The following FSTL4 variants were observed in gnomAD, a reference collection of about 807,000 sequenced individuals.
FSTL4 encodes the protein follistatin like 4.
FSTL4 carries 28 observed loss-of-function variants against 78.2 expected under a neutral mutation model. That is an observed-to-expected ratio of 0.36 (90% CI 0.27 to 0.49). The LOEUF is 0.49. Ranked by LOEUF, FSTL4 falls within the 20% of genes least tolerant of loss-of-function variation. The pLI is 0.98. For synonymous variants in FSTL4, 422 were observed against 440.5 expected (o/e 0.96, Z 0.53); for missense variants, 922 against 1,084.9 (o/e 0.85, Z 2.11).
At chr5:133,745,766 C>A in the FSTL4 span, among the ~76,000 whole-genome samples, 1 of 152,368 alleles carries the variant, frequency 6.6e-6, no homozygotes, top group African/African-American at 2.4e-5. Flanking sequence ...AAACTACGAA[C>A]TGTCATTTTG....
intron 4 of FSTL4, among the ~76,000 whole-genome samples, chr5:133,324,760 C>T (rs980624363): frequency 6.6e-6 from 1 of 152,198 alleles, no homozygotes; most frequent in Non-Finnish European, 1.5e-5. Context: ...TGGCTACGGC[C>T]CTGCCCTGAA....
intron 3 of FSTL4, among the ~76,000 whole-genome samples, chr5:133,477,018 T>C (rs537334524): frequency 6.6e-6 from 1 of 152,372 alleles, no homozygotes; most frequent in South Asian, 2.1e-4. Context: ...CAGTAAATCA[T>C]TTTCTTATTG....
chr5:133,502,381 G>A (rs1185181954), intron 3 of FSTL4, among the ~76,000 whole-genome samples: 6 of 152,196 alleles, frequency 3.9e-5, no homozygotes, highest in Non-Finnish European at 7.3e-5. Context: ...CACGGGAAGG[G>A]AAGAATGCAG....
intron 2 of FSTL4, among the ~76,000 whole-genome samples, chr5:133,577,437 A>T (rs1760307507): frequency 6.6e-6 from 1 of 152,098 alleles, no homozygotes; most frequent in South Asian, 2.1e-4. Flanking sequence ...GCCCTGGTAG[A>T]TGGGCTTACT....
chr5:133,431,639 A>T (rs1303209527), intron 3 of FSTL4, among the ~76,000 whole-genome samples: 1 of 152,210 alleles, frequency 6.6e-6, no homozygotes, highest in African/African-American at 2.4e-5. Flanking sequence ...ACTACTGAGT[A>T]ACCCCAGTCA....
At chr5:133,824,637 G>A in the FSTL4 span, among the ~76,000 whole-genome samples, 3 of 152,200 alleles carry the variant, frequency 2.0e-5, no homozygotes, top group Non-Finnish European at 4.4e-5. Flanking sequence ...TCGGGGCGAA[G>A]AAGGCCCTGT....
At chr5:133,311,588 G>C (rs558878332) in intron 6 of FSTL4, among the ~76,000 whole-genome samples, 1 of 152,336 alleles carries the variant, frequency 6.6e-6, no homozygotes, top group East Asian at 1.9e-4. Context: ...CAGGCCTTGT[G>C]AAGGTGTGGA....
chr5:133,307,524 C>T (rs1463990090), intron 6 of FSTL4, among the ~76,000 whole-genome samples: 2 of 152,182 alleles, frequency 1.3e-5, no homozygotes, highest in Non-Finnish European at 2.9e-5. Flanking sequence ...GTGTACAGTG[C>T]TGACACATGT....
the FSTL4 span, among the ~76,000 whole-genome samples, chr5:133,728,481 C>T: frequency 1.5e-4 from 23 of 152,196 alleles, no homozygotes; most frequent in African/African-American, 5.5e-4. Context: ...TAAGGTCCAT[C>T]CACCTTTATC....
At chr5:133,490,910 C>T (rs1275945732) in intron 3 of FSTL4, among the ~76,000 whole-genome samples, 1 of 152,030 alleles carries the variant, frequency 6.6e-6, no homozygotes, top group Admixed American at 6.6e-5. Context: ...TGAGTATACA[C>T]GGACACAAAG....
At chr5:133,823,053 G>A in the FSTL4 span, among the ~76,000 whole-genome samples, 1 of 152,194 alleles carries the variant, frequency 6.6e-6, no homozygotes, top group African/African-American at 2.4e-5. Flanking sequence ...AAGTAAACAG[G>A]TAAAGCATAT....
chr5:133,636,204 C>T, the FSTL4 span, among the ~76,000 whole-genome samples: 1 of 152,130 alleles, frequency 6.6e-6, no homozygotes. Flanking sequence ...CCCAGAGGTC[C>T]CAGAACAGAA....
At chr5:133,803,867 A>G in the FSTL4 span, among the ~76,000 whole-genome samples, 1 of 152,120 alleles carries the variant, frequency 6.6e-6, no homozygotes, top group Non-Finnish European at 1.5e-5. Flanking sequence ...GAGTATACCA[A>G]TGAGAGGCGC....
intron 3 of FSTL4, among the ~76,000 whole-genome samples, chr5:133,565,819 A>AT (rs1760015279): frequency 6.6e-6 from 1 of 152,204 alleles, no homozygotes. Context: ...TTTATATGTG[A>AT]TTTTACAATG....
the FSTL4 span, among the ~76,000 whole-genome samples, chr5:133,698,830 C>G: frequency 6.6e-6 from 1 of 152,244 alleles, no homozygotes; most frequent in African/African-American, 2.4e-5. Context: ...TACAACGAGA[C>G]CTCGGGAGGC....
intron 4 of FSTL4, chr5:133,388,117 T>C (rs558518997): frequency 6.6e-6 from 1 of 152,368 alleles, no homozygotes; most frequent in African/African-American, 2.4e-5. Context: ...TTTGCAATTT[T>C]TGGTAACTAT....
intron 6 of FSTL4, among the ~76,000 whole-genome samples, chr5:133,271,857 C>T (rs1353563740): frequency 1.3e-5 from 2 of 152,190 alleles, no homozygotes; most frequent in Admixed American, 6.5e-5. Context: ...ATACAAAAGG[C>T]ACCTGCACGG....
chr5:133,546,505 CAA>C (rs71581365), intron 3 of FSTL4, among the ~76,000 whole-genome samples: 804 of 75,310 alleles, frequency 0.011, 1 homozygote, highest in African/African-American at 0.034. Context: ...GACTTTGTCT[CAA>C]AAAAAAAAAA....
intron 3 of FSTL4, among the ~76,000 whole-genome samples, chr5:133,422,334 G>T (rs755625258): frequency 1.3e-5 from 2 of 152,132 alleles, no homozygotes; most frequent in Non-Finnish European, 2.9e-5. Flanking sequence ...TGACAGAAAT[G>T]TGGCAAAAGG....
Sources: allele counts gnomAD v4.1 joint callset (sites outside exome capture counted in the v4.1 genomes callset), GRCh38; gene constraint gnomAD v4.1.1; transcripts MANE v1.5; gene names NCBI Gene and HGNC (gene_info 2026-07-23, HGNC 2026-07-21).